CDC42BPA: variants seen among roughly 807,000 people sequenced by gnomAD.
The protein encoded by CDC42BPA is CDC42 binding protein kinase alpha.
A neutral mutation model predicts 223.5 loss-of-function variants in CDC42BPA; 80 were observed. That is an observed-to-expected ratio of 0.36 (90% confidence interval 0.30 to 0.43). CDC42BPA has a LOEUF of 0.43. Ranked by LOEUF, CDC42BPA falls within the 20% of genes least tolerant of loss-of-function variation. The pLI, the probability that CDC42BPA is intolerant of heterozygous loss-of-function variation, is 1.00. For missense variants in CDC42BPA, 1,743 were observed against 2,099.9 expected (o/e 0.83, Z 3.32); for synonymous variants, 694 against 718.6 (o/e 0.97, Z 0.55).
Position 227,154,859 on chromosome 1 carries a change from TATGTAC to T in CDC42BPA, c.693+5678_693+5683del, listed in dbSNP as rs376856020. Among the ~76,000 whole-genome samples the T allele has an allele frequency of 1.3e-3, 192 of 152,250 alleles. 2 individuals are homozygous for T. Among genetic ancestry groups the T allele is most frequent in the African/African-American group, 4.3e-3 (177 of 41,570 alleles). On this transcript the variant is annotated intron_variant, in intron 6 of 36. Coordinates refer to ENST00000366766, the MANE Select transcript of CDC42BPA (RefSeq NM_001394014.1). ...GTGTTTATGAAGGATTGTTCACATG[TATGTAC>T]ATGTATGGATATAAACCAATATGCT...
intron 16 of CDC42BPA, among the ~76,000 whole-genome samples, chr1:227,088,328 GT>G (rs1682382234): frequency 6.6e-6 from 1 of 152,156 alleles, no homozygotes; most frequent in Non-Finnish European, 1.5e-5. Flanking sequence ...CATTTTTCAT[GT>G]TTGAAAATGA....
At chr1:227,117,215 T>C (rs1687902390) in intron 12 of CDC42BPA, among the ~76,000 whole-genome samples, 1 of 152,188 alleles carries the variant, frequency 6.6e-6, no homozygotes, top group Non-Finnish European at 1.5e-5. Flanking sequence ...ATTCTGGAAA[T>C]CTGTGTGTAT....
intron 16 of CDC42BPA, among the ~76,000 whole-genome samples, chr1:227,087,871 A>G (rs1321680101): frequency 6.6e-6 from 1 of 152,200 alleles, no homozygotes; most frequent in Non-Finnish European, 1.5e-5. Context: ...TTGTATGTGC[A>G]GCATCTTCTC....
At chr1:227,109,869 T>TA (rs1201566671) in intron 14 of CDC42BPA, among the ~76,000 whole-genome samples, 1 of 151,888 alleles carries the variant, frequency 6.6e-6, no homozygotes, top group Non-Finnish European at 1.5e-5. Flanking sequence ...CATTGTTGTA[T>TA]ATGCAGTCTG....
chr1:227,316,120 A>G (rs1183326617), intron 1 of CDC42BPA, among the ~76,000 whole-genome samples: 1 of 152,182 alleles, frequency 6.6e-6, no homozygotes, highest in Non-Finnish European at 1.5e-5. Flanking sequence ...AATCCTTCAA[A>G]AGCCAACGTA....
At chr1:227,120,031 A>G in intron 11 of CDC42BPA, 94 bp from the exon 12 acceptor site, 1 of 931,970 alleles carries the variant, frequency 1.1e-6, no homozygotes, top group Non-Finnish European at 1.6e-6. Context: ...TAAAATTGGT[A>G]TTTTCAATTT....
chr1:227,153,673 G>GT (rs1662204005), intron 6 of CDC42BPA, among the ~76,000 whole-genome samples: 4 of 151,632 alleles, frequency 2.6e-5, no homozygotes, highest in Admixed American at 1.3e-4. Flanking sequence ...AGACTATAAC[G>GT]TATTAAAACT....
chr1:227,074,333 G>T lies in CDC42BPA; in HGVS notation c.2512C>A (p.Leu838Ile). 6.2e-7 allele frequency: 1 copy of T among 1,613,586 alleles called. No homozygotes were observed. The highest frequency in any genetic ancestry group is 2.2e-5 in the East Asian group (1 of 44,850). ...VSDEKDARGY[L>I]QALASKMTEE... Reference sequence around the variant, plus strand: ...GTCATTTTAGAAGCTAAGGCCTGAAGATACCCTCGTGCATCCTTTTCATCG... The same window carrying T: ...GTCATTTTAGAAGCTAAGGCCTGAATATACCCTCGTGCATCCTTTTCATCG... The change falls in exon 18 of 37, where the codon CTT becomes ATT. Residue 838 changes from leucine to isoleucine, a missense_variant. Around this residue, in one of 6 missense-constraint regions of CDC42BPA, gnomAD observed 464 missense variants for 488.0 expected, o/e 0.95. Transcript: ENST00000366766.
At chr1:227,098,690 C>A (rs1684449006) in intron 15 of CDC42BPA, among the ~76,000 whole-genome samples, 1 of 151,754 alleles carries the variant, frequency 6.6e-6, no homozygotes, top group Non-Finnish European at 1.5e-5. Flanking sequence ...AAAATTCAAA[C>A]CCTTCTTATC....
intron 5 of CDC42BPA, among the ~76,000 whole-genome samples, chr1:227,168,811 G>T (rs982050220): frequency 1.3e-5 from 2 of 151,940 alleles, no homozygotes; most frequent in Non-Finnish European, 2.9e-5. Flanking sequence ...GGTGTTTCTT[G>T]AGCATCTCAA....
chr1:227,250,269 C>T (rs1334569669), intron 2 of CDC42BPA, among the ~76,000 whole-genome samples: 1 of 152,122 alleles, frequency 6.6e-6, no homozygotes, highest in Non-Finnish European at 1.5e-5. Context: ...GGGTGCATCA[C>T]CTGAGGTCAG....
At chr1:227,106,776 T>C (rs1686013580) in intron 14 of CDC42BPA, among the ~76,000 whole-genome samples, 1 of 152,226 alleles carries the variant, frequency 6.6e-6, no homozygotes, top group Admixed American at 6.5e-5. Flanking sequence ...TTTCATTCTT[T>C]TGTAGGTTAA....
intron 2 of CDC42BPA, among the ~76,000 whole-genome samples, chr1:227,253,482 G>C (rs1219843885): frequency 6.6e-6 from 1 of 152,148 alleles, no homozygotes; most frequent in Non-Finnish European, 1.5e-5. Flanking sequence ...TGTAATCCCA[G>C]CTACTCGGGA....
chr1:227,007,716 A>G (rs950217541), intron 34 of CDC42BPA, among the ~76,000 whole-genome samples: 3 of 152,248 alleles, frequency 2.0e-5, no homozygotes, highest in African/African-American at 7.2e-5. Context: ...CATAGAGAAT[A>G]CAATAGGGAA....
At chr1:227,090,628 C>T (rs891161227) in intron 16 of CDC42BPA, among the ~76,000 whole-genome samples, 2 of 151,858 alleles carry the variant, frequency 1.3e-5, no homozygotes, top group Admixed American at 6.6e-5. Context: ...CTGGCCAACA[C>T]GGTGAAATTC....
chr1:227,220,971 G>GAGT (rs888101645), intron 2 of CDC42BPA, among the ~76,000 whole-genome samples: 2 of 152,208 alleles, frequency 1.3e-5, no homozygotes, highest in African/African-American at 4.8e-5. Flanking sequence ...CATTTTGAAA[G>GAGT]AGTAGTACAT....
intron 1 of CDC42BPA, among the ~76,000 whole-genome samples, chr1:227,275,835 C>T (rs912315078): frequency 2.2e-4 from 33 of 152,224 alleles, no homozygotes; most frequent in Non-Finnish European, 7.3e-5. Flanking sequence ...AGCTCCTAAC[C>T]GCGAGTGATC....
intron 11 of CDC42BPA, among the ~76,000 whole-genome samples, 169 bp downstream of exon 11, chr1:227,128,939 CA>C (rs1306735601): frequency 2.0e-5 from 3 of 152,114 alleles, no homozygotes. Flanking sequence ...TTTCCCAGAC[CA>C]AAATGTGAAC....
At chr1:227,025,060 T>C (rs771206945) in intron 31 of CDC42BPA, among the ~76,000 whole-genome samples, 26 of 152,146 alleles carry the variant, frequency 1.7e-4, no homozygotes, top group Non-Finnish European at 4.4e-5. Context: ...CTGGCCAACA[T>C]GGTGAAACCC....
Sources: gnomAD v4.1 joint callset for allele counts (sites outside exome capture counted in the v4.1 genomes callset) on GRCh38, gnomAD v4.1.1 for gene constraint, gnomAD v4.1.1 regional missense constraint, MANE v1.5 for transcripts, NCBI Gene and HGNC (gene_info 2026-07-23, HGNC 2026-07-21) for gene names.